The following VPS13C variants were observed in gnomAD, a reference collection of about 807,000 sequenced individuals.
VPS13C encodes intermembrane lipid transfer protein VPS13C.
In VPS13C, 358 loss-of-function variants were observed where a neutral mutation model predicts 456.8. That is an observed-to-expected ratio of 0.78 (90% confidence interval 0.72 to 0.86). The LOEUF (loss-of-function observed/expected upper bound fraction) is 0.86, where lower values mean the gene tolerates loss of function less well. Ranked by LOEUF, VPS13C falls within the 40% of genes least tolerant of loss-of-function variation. The pLI, the probability that VPS13C is intolerant of heterozygous loss-of-function variation, is 0.00. For missense variants in VPS13C, 4,818 were observed against 4,385.4 expected (o/e 1.10, Z -2.79); for synonymous variants, 1,578 against 1,486.7 (o/e 1.06, Z -1.41).
chr15:61,903,942 T>C (rs1455961465), intron 66 of VPS13C, among the ~76,000 whole-genome samples: 1 of 152,062 alleles, frequency 6.6e-6, no homozygotes. Flanking sequence ...GCAGGAGAAT[T>C]AAACTAGACC....
intron 1 of VPS13C, among the ~76,000 whole-genome samples, chr15:62,053,212 A>G (rs918771050): frequency 2.0e-4 from 30 of 152,312 alleles, no homozygotes; most frequent in African/African-American, 7.0e-4. Context: ...CACTACACCA[A>G]GTGCTGGCTG....
At position 61,969,336 on chromosome 15, in the gene VPS13C, AT is replaced by A. The variant is rs756261513; in HGVS notation, c.2873del (p.Tyr958PhefsTer2). ...MRTFDLTVVS[Y>X]LKKISLDYHE... The stretch of plus-strand genomic sequence containing the variant: ...GATAATCCAAGCTGATTTTCTTTAA[AT>A]AAGATACCACAGTTAAGTCAAATGT... On this transcript the variant is annotated frameshift_variant, in exon 28 of 85. Transcript: ENST00000644861. LOFTEE classifies it high-confidence loss of function. 23 of 1,602,444 alleles carry A rather than the reference AT, an allele frequency of 1.4e-5. No homozygotes were observed. Among genetic ancestry groups the A allele is most frequent in the Non-Finnish European group, 1.9e-5 (22 of 1,175,340 alleles).
intron 24 of VPS13C, among the ~76,000 whole-genome samples, chr15:61,976,388 G>A (rs2045703553): frequency 6.6e-6 from 1 of 151,968 alleles, no homozygotes; most frequent in African/African-American, 2.4e-5. Flanking sequence ...AAACAAAAAA[G>A]TTAAAAGTCT....
chr15:61,897,450 A>C (rs1168623011), intron 66 of VPS13C, among the ~76,000 whole-genome samples: 1 of 152,258 alleles, frequency 6.6e-6, no homozygotes, highest in Non-Finnish European at 1.5e-5. Flanking sequence ...AACTACGTGA[A>C]GAATGCAGAA....
At chr15:61,947,754 T>C (rs528366308) in intron 42 of VPS13C, among the ~76,000 whole-genome samples, 39 of 152,322 alleles carry the variant, frequency 2.6e-4, no homozygotes, top group African/African-American at 9.1e-4. Flanking sequence ...TTATTTACTA[T>C]GGCACTTACA....
At position 61,934,222 on chromosome 15, in the gene VPS13C, G is replaced by T; in HGVS notation, c.5865C>A (p.Asn1955Lys). Reference sequence around the variant, plus strand: ...ATTACAGAAATGTATTACATACCTGGTTGATATCATTGTTATAAAGGATAA... The same window carrying T: ...ATTACAGAAATGTATTACATACCTGTTTGATATCATTGTTATAAAGGATAA... ...LSIILYNNDI[N>K]QESGVAFHND... Residue 1955 changes from asparagine (N) to lysine (K), a missense_variant, in exon 49 of 85, where the codon AAC becomes AAA. Asn to Lys is a moderately conservative substitution (Grantham distance 94, BLOSUM62 0). This residue lies in a region of VPS13C where 4,552 missense variants were observed against 4,130.6 expected (regional missense o/e 1.10). Transcript: ENST00000644861. 1 of 1,563,782 alleles carries T rather than the reference G, an allele frequency of 6.4e-7. No homozygotes were observed. The highest frequency in any genetic ancestry group is 8.7e-7 in the Non-Finnish European group (1 of 1,148,940).
chr15:61,955,218 G>T lies in VPS13C; in HGVS notation c.4166-664C>A, dbSNP rs553605337. Among the ~76,000 whole-genome samples, 67 of 152,196 alleles carry T rather than the reference G, an allele frequency of 4.4e-4. 1 individual carries two copies. The highest frequency in any genetic ancestry group is 1.4e-3 in the African/African-American group (59 of 41,550). On this transcript the variant is annotated intron_variant, in intron 37 of 84. Transcript: ENST00000644861. ...ATCTGTGTGGCAGACACTGTTCTAA[G>T]GTCTGTATATGGACTGTTCTATTTA... is the stretch of plus-strand genomic sequence containing the variant.
chr15:61,900,165 G>A (rs1267763554), intron 66 of VPS13C, among the ~76,000 whole-genome samples: 1 of 152,076 alleles, frequency 6.6e-6, no homozygotes, highest in East Asian at 1.9e-4. Flanking sequence ...CATACTGAAT[G>A]GGCAAAAACT....
At chr15:62,020,605 T>C in intron 8 of VPS13C, 67 bp from the exon 9 acceptor site, 4 of 1,498,418 alleles carry the variant, frequency 2.7e-6, no homozygotes, top group South Asian at 1.2e-5. Context: ...TCCTTTACAA[T>C]AGGCAGCAGA....
At chr15:61,945,613 T>C in intron 45 of VPS13C, 102 bp downstream of exon 45, 1 of 881,684 alleles carries the variant, frequency 1.1e-6, no homozygotes, top group South Asian at 2.4e-5. Flanking sequence ...CAGGTGCTCA[T>C]CACACAGCCT....
intron 73 of VPS13C, 96 bp downstream of exon 73, chr15:61,880,513 A>T (rs925322513): frequency 2.7e-6 from 2 of 728,776 alleles, no homozygotes; most frequent in Admixed American, 3.5e-5. Flanking sequence ...CACCAAATAC[A>T]TGATGCAACA....
At chr15:61,916,785 AT>A (rs1435078766) in intron 60 of VPS13C, among the ~76,000 whole-genome samples, 1 of 151,960 alleles carries the variant, frequency 6.6e-6, no homozygotes, top group Non-Finnish European at 1.5e-5. Flanking sequence ...GACAGTAATT[AT>A]TTTTTTTATT....
chr15:61,953,529 A>G (rs2044877870), intron 38 of VPS13C, among the ~76,000 whole-genome samples: 2 of 151,614 alleles, frequency 1.3e-5, no homozygotes, highest in African/African-American at 4.9e-5. Flanking sequence ...GAGAATGATG[A>G]TTTCCAATTT....
chr15:61,889,128 T>G (rs1162626172), intron 67 of VPS13C, among the ~76,000 whole-genome samples: 1 of 152,088 alleles, frequency 6.6e-6, no homozygotes, highest in East Asian at 1.9e-4. Flanking sequence ...TTTAGATAAA[T>G]TTTTTAATGT....
chr15:62,020,090 G>C (rs1727117370), intron 9 of VPS13C, among the ~76,000 whole-genome samples: 1 of 148,938 alleles, frequency 6.7e-6, no homozygotes, highest in Non-Finnish European at 1.5e-5. Context: ...AATGAGATGA[G>C]TGTGCGCACA....
At chr15:62,002,256 T>A (rs1000266165) in intron 15 of VPS13C, among the ~76,000 whole-genome samples, 1 of 152,234 alleles carries the variant, frequency 6.6e-6, no homozygotes, top group Non-Finnish European at 1.5e-5. Flanking sequence ...GATTTGCATT[T>A]CTCTGATGGC....
intron 60 of VPS13C, 98 bp from the exon 61 acceptor site, chr15:61,916,120 G>A (rs1275284653): frequency 7.6e-7 from 1 of 1,315,786 alleles, no homozygotes. Context: ...CCAGATGCAT[G>A]TAAACTGCTA....
At chr15:61,891,385 A>G (rs1022551566) in intron 66 of VPS13C, among the ~76,000 whole-genome samples, 1 of 152,236 alleles carries the variant, frequency 6.6e-6, no homozygotes, top group Admixed American at 6.5e-5. Flanking sequence ...ACTAATGTTC[A>G]AAATTTACTA....
At chr15:61,923,768 C>T (rs547864361) in intron 53 of VPS13C, among the ~76,000 whole-genome samples, 1 of 149,202 alleles carries the variant, frequency 6.7e-6, no homozygotes, top group African/African-American at 2.5e-5. Context: ...ACTTTTTTTC[C>T]GTGTCTTATT....
Sources: gnomAD v4.1 joint callset for allele counts (sites outside exome capture counted in the v4.1 genomes callset) on GRCh38, gnomAD v4.1.1 for gene constraint, gnomAD v4.1.1 regional missense constraint, MANE v1.5 for transcripts, NCBI Gene and HGNC (gene_info 2026-07-23, HGNC 2026-07-21) for gene names.